Variants in APOB observed in about 807,000 individuals in gnomAD.
APOB encodes apolipoprotein B.
In APOB, 153 loss-of-function variants were observed where a neutral mutation model predicts 314.1. The observed-to-expected ratio is 0.49, with a 90% CI of 0.43 to 0.56. The LOEUF is 0.56. APOB is among the 20% of genes least tolerant of loss of function. APOB has a pLI of 0.00. For synonymous variants in APOB, 2,087 were observed against 2,036.4 expected (o/e 1.02, Z -0.67); for missense variants, 5,430 against 5,350.7 (o/e 1.01, Z -0.46).
In APOB at chr2:21,006,919, G is replaced by A. The variant is rs767500050; in HGVS notation, c.9949C>T (p.Leu3317Phe). 3.1e-6 allele frequency: 5 copies of A among 1,614,068 alleles called. No homozygotes were observed. In the South Asian group the frequency reaches 5.5e-5, roughly 18 times the overall value. Residue 3317 changes from leucine (L) to phenylalanine (F), a missense_variant, in exon 26 of 29, where the codon CTT (leucine) becomes TTT (phenylalanine). Physicochemically the swap from Leu to Phe is conservative, Grantham distance 22. Transcript: ENST00000233242. Reference protein sequence around the residue: ...LHVPRNLKLSLPDFKELCTIS... With the variant: ...LHVPRNLKLSFPDFKELCTIS... ...GTACACAATTCCTTGAAATCTGGAA[G>A]AGAAAGCTTGAGATTTCTAGGGACA... is the stretch of plus-strand genomic sequence containing the variant.
intron 3 of APOB, 65 bp from the exon 4 acceptor site, chr2:21,041,148 C>T: frequency 6.5e-7 from 1 of 1,547,228 alleles, no homozygotes; most frequent in Non-Finnish European, 8.8e-7. Context: ...CCCCTGAAGC[C>T]CAGGGCTTAA....
intron 18 of APOB, 95 bp downstream of exon 18, chr2:21,022,736 G>A: frequency 8.8e-7 from 1 of 1,135,728 alleles, no homozygotes; most frequent in Non-Finnish European, 1.3e-6. Flanking sequence ...GGACCTGAAT[G>A]ATCTCAATCA....
In APOB at chr2:21,022,938, G is replaced by C. The variant is rs1663649774; in HGVS notation, c.2709C>G (p.Thr903=). 1 of 1,614,146 alleles carries C rather than the reference G, an allele frequency of 6.2e-7. No homozygotes were observed. Among genetic ancestry groups the C allele is most frequent in the African/African-American group, 1.3e-5 (1 of 75,032 alleles). Residue 903 remains threonine (T), a synonymous_variant, in exon 18 of 29, where the codon ACC becomes ACG. Transcript: ENST00000233242. ...CCAGACCCGACTCGTGGAAGAAGTT[G>C]GTGTTCATCTGGACCCCACTCCTAG... is the stretch of plus-strand genomic sequence containing the variant. ...DFARSGVQMN[T]NFFHESGLEA... is the part of the protein sequence containing the mutation.
rs1663321073 is a variant in APOB, at chr2:21,011,551, T to C, written c.5317A>G (p.Ile1773Val). 1 of 1,614,142 alleles carries C rather than the reference T, an allele frequency of 6.2e-7. No individual in the cohort carries two copies. Among genetic ancestry groups the C allele is most frequent in the Non-Finnish European group, 8.5e-7 (1 of 1,179,984 alleles). Residue 1773 changes from isoleucine (I) to valine (V), a missense_variant, in exon 26 of 29, where the codon ATT (isoleucine) becomes GTT (valine). Ile to Val is a conservative substitution (Grantham distance 29, BLOSUM62 3). Around this residue, in one of 3 missense-constraint regions of APOB, gnomAD observed 64 missense variants for 99.9 expected, o/e 0.64. Coordinates refer to ENST00000233242, the MANE Select transcript of APOB (RefSeq NM_000384.3). ...TTATAAAACTTGTCAGAGCTGTAAATGTTGTCAAGTTTTGAAGAGAAGTCC... is the reference window on the plus strand; with the variant it reads ...TTATAAAACTTGTCAGAGCTGTAAACGTTGTCAAGTTTTGAAGAGAAGTCC... ...SLDFSSKLDN[I>V]YSSDKFYKQT...
chr2:21,040,366 C>T (rs977375479), intron 4 of APOB, among the ~76,000 whole-genome samples: 1 of 152,226 alleles, frequency 6.6e-6, no homozygotes, highest in Non-Finnish European at 1.5e-5. Context: ...TTCATACACA[C>T]CTAGGACCCT....
At chr2:21,017,741 C>T (rs1428189309) in intron 20 of APOB, among the ~76,000 whole-genome samples, 3 of 152,172 alleles carry the variant, frequency 2.0e-5, no homozygotes, top group South Asian at 2.1e-4. Flanking sequence ...GATTCCCGGG[C>T]GTCCTTCAAT....
intron 20 of APOB, among the ~76,000 whole-genome samples, chr2:21,017,480 G>T (rs993056937): frequency 6.6e-6 from 1 of 152,170 alleles, no homozygotes; most frequent in Non-Finnish European, 1.5e-5. Context: ...TGTGGGCAGA[G>T]ACCAGAATGA....
Position 21,002,395 on chromosome 2 carries a change from A to G in APOB, c.13027T>C (p.Tyr4343His). 1 of 1,601,178 alleles carries G rather than the reference A, an allele frequency of 6.2e-7. No homozygotes were observed. The highest frequency in any genetic ancestry group is 8.5e-7 in the Non-Finnish European group (1 of 1,173,418). The stretch of plus-strand genomic sequence containing the variant: ...TTTTCTTTCAACAATTTAAAAACAT[A>G]TGGGATATAATCACTGAAGATTGTG... ...INTIFSDYIP[Y>H]VFKLLKENLC... is the part of the protein sequence containing the mutation. Residue 4343 changes from tyrosine (Y) to histidine (H), a missense_variant, in exon 29 of 29, where the codon TAT (tyrosine) becomes CAT (histidine). By Grantham distance (83) the Tyr-to-His change is moderately conservative (BLOSUM62 2). Coordinates refer to ENST00000233242, the MANE Select transcript of APOB (RefSeq NM_000384.3).
chr2:21,009,339 G>GCCTT lies in APOB; in HGVS notation c.7525_7528dup (p.Ala2510GlufsTer36). ...ATCTTCTAGGGTCTCTCGGAATTTG[G>GCCTT]CCTTCATGTGAGCCAAAGATGCTGA... is the stretch of plus-strand genomic sequence containing the variant. On this transcript the variant is annotated frameshift_variant, in exon 26 of 29. Transcript: ENST00000233242. LOFTEE classifies it high-confidence loss of function. 6.2e-7 allele frequency: 1 copy of GCCTT among 1,614,040 alleles called. No homozygotes were observed. Among genetic ancestry groups the GCCTT allele is most frequent in the South Asian group, 1.1e-5 (1 of 91,080 alleles).
rs138681343 is a variant in APOB at position 21,015,093 on chromosome 2, C to T, written c.3676G>A (p.Val1226Met). ...CTTACAACTATTAATTTGGAACCCA[C>T]GTGCCGGAAAGTCATGTCTGTTTGA... ...VPQTDMTFRHVGSKLIVAMSS... is the reference protein window; with the variant it reads ...VPQTDMTFRHMGSKLIVAMSS... Residue 1226 changes from valine to methionine, a missense_variant, in exon 23 of 29, where the codon GTG becomes ATG. By Grantham distance (21) the Val-to-Met change is conservative (BLOSUM62 1). Coordinates refer to ENST00000233242, the MANE Select transcript of APOB (RefSeq NM_000384.3). The T allele has an allele frequency of 3.6e-5, 58 of 1,613,988 alleles. No homozygotes were observed. Among genetic ancestry groups the T allele is most frequent in the Middle Eastern group, 1.7e-4 (1 of 6,060 alleles).
At position 21,023,582 on chromosome 2, in the gene APOB, A is replaced by T. The variant is rs1163386084; in HGVS notation, c.2547T>A (p.Ser849=). Reference sequence around the variant, plus strand: ...CTCCGGGAGCAATGACTCCAGATGAAGATATTTGCAACTGTAATCCAGCTC... The same window carrying T: ...CTCCGGGAGCAATGACTCCAGATGATGATATTTGCAACTGTAATCCAGCTC... The part of the protein sequence containing the change: ...PTGAGLQLQI[S]SSGVIAPGAK... Residue 849 remains serine, a synonymous_variant, in exon 17 of 29, where the codon TCT becomes TCA. Transcript: ENST00000233242. 6.2e-7 allele frequency: 1 copy of T among 1,614,162 alleles called. No individual in the cohort carries two copies. Among genetic ancestry groups the T allele is most frequent in the African/African-American group, 1.3e-5 (1 of 75,056 alleles).
intron 25 of APOB, 97 bp downstream of exon 25, chr2:21,013,063 G>A: frequency 6.8e-7 from 1 of 1,471,990 alleles, no homozygotes; most frequent in Middle Eastern, 2.4e-4. Flanking sequence ...AAGATTATCT[G>A]CTAGAAAGCC....
chr2:21,038,261 C>CACAT, intron 4 of APOB, 150 bp from the exon 5 acceptor site: 1 of 836,790 alleles, frequency 1.2e-6, no homozygotes, highest in African/African-American at 1.7e-5. Flanking sequence ...AATATAGCTA[C>CACAT]ACATAGACAT....
chr2:21,004,529 TATAAGGTTTCAATTCA>T lies in APOB; in HGVS notation c.11903+16_11903+31del. On this transcript the variant is annotated intron_variant, in intron 27 of 28. Coordinates refer to ENST00000233242, the MANE Select transcript of APOB (RefSeq NM_000384.3). ...AAAATCACAATGAGTTTTCAAAAGG[TATAAGGTTTCAATTCA>T]ATAAAAGCTCCATACTGAAGTCCTT... 2 of 1,612,036 alleles carry T rather than the reference TATAAGGTTTCAATTCA, an allele frequency of 1.2e-6. No homozygotes were observed. The highest frequency in any genetic ancestry group is 1.7e-6 in the Non-Finnish European group (2 of 1,178,232).
Position 21,007,209 on chromosome 2 carries a change from G to C in APOB, c.9659C>G (p.Thr3220Ser). 6.2e-7 allele frequency: 1 copy of C among 1,613,760 alleles called. No homozygotes were observed. The highest frequency in any genetic ancestry group is 8.5e-7 in the Non-Finnish European group (1 of 1,179,898). The stretch of plus-strand genomic sequence containing the variant: ...AATTTTTGTTTCATTATAGGATTTG[G>C]TGACAAAATCTAATGCATTGTTTCT... ...KNRNNALDFVTKSYNETKIKF... is the reference protein window; with the variant it reads ...KNRNNALDFVSKSYNETKIKF... The change falls in exon 26 of 29, where the codon ACC (threonine) becomes AGC (serine). Residue 3220 changes from threonine to serine, a missense_variant. Around this residue, in one of 3 missense-constraint regions of APOB, gnomAD observed 3,281 missense variants for 3,171.0 expected, o/e 1.03. Coordinates refer to ENST00000233242, the MANE Select transcript of APOB (RefSeq NM_000384.3).
rs747082192 is a variant in APOB at position 21,013,353 on chromosome 2, G to A, written c.4023C>T (p.Thr1341=). 2.5e-6 allele frequency: 4 copies of A among 1,614,038 alleles called. No homozygotes were observed. Among genetic ancestry groups the A allele is most frequent in the Admixed American group, 1.7e-5 (1 of 59,998 alleles). The stretch of plus-strand genomic sequence containing the variant: ...CTTGCAGTTGATACAACTTGGGAAT[G>A]GTAAAAGTAGGGACTTGGAACTCTC... ...PSREFQVPTF[T]IPKLYQLQVP... is the part of the protein sequence containing the mutation. Residue 1341 remains threonine, a synonymous_variant, in exon 25 of 29, where the codon ACC becomes ACT. Coordinates refer to ENST00000233242, the MANE Select transcript of APOB (RefSeq NM_000384.3).
rs767525908 is a variant in APOB at position 21,023,031 on chromosome 2, T to C, written c.2616A>G (p.Glu872=). 3.1e-6 allele frequency: 5 copies of C among 1,614,022 alleles called. No homozygotes were observed. The highest frequency in any genetic ancestry group is 1.3e-5 in the African/African-American group (1 of 74,908). Residue 872 remains glutamate, a synonymous_variant, in exon 18 of 29, where the codon GAA becomes GAG. Coordinates refer to ENST00000233242, the MANE Select transcript of APOB (RefSeq NM_000384.3). Reference sequence around the variant, plus strand: ...CAGACACGGAGGGTTTTGCCACCAGTTCAGCCTGCATCTATAAGTCAGAAA... The same window carrying C: ...CAGACACGGAGGGTTTTGCCACCAGCTCAGCCTGCATCTATAAGTCAGAAA... The part of the protein sequence containing the change: ...VKLEVANMQA[E]LVAKPSVSVE...
intron 2 of APOB, 94 bp from the exon 3 acceptor site, chr2:21,042,570 T>TA: frequency 1.2e-6 from 1 of 861,230 alleles, no homozygotes; most frequent in Non-Finnish European, 2.0e-6. Context: ...CATAGAGAAT[T>TA]AAAAATGGTA....
rs1663136845 is a variant in APOB, at chr2:21,006,331, T to C, written c.10537A>G (p.Ile3513Val). 6.2e-7 allele frequency: 1 copy of C among 1,613,960 alleles called. No homozygotes were observed. The highest frequency in any genetic ancestry group is 1.3e-5 in the African/African-American group (1 of 74,908). Reference sequence around the variant, plus strand: ...AAGTAAGTGTTGGCCTCACTAGCAATAGTTCCTGAATATTCCCGAGAAAGA... The same window carrying C: ...AAGTAAGTGTTGGCCTCACTAGCAACAGTTCCTGAATATTCCCGAGAAAGA... The part of the protein sequence containing the change: ...SVLSREYSGT[I>V]ASEANTYLNS... The change falls in exon 26 of 29, where the codon ATT (isoleucine) becomes GTT (valine). Residue 3513 changes from isoleucine (I) to valine (V), a missense_variant. By Grantham distance (29) the Ile-to-Val change is conservative (BLOSUM62 3). This residue lies in a region of APOB where 3,281 missense variants were observed against 3,171.0 expected (regional missense o/e 1.03). Coordinates refer to ENST00000233242, the MANE Select transcript of APOB (RefSeq NM_000384.3).
Sources: allele counts gnomAD v4.1 joint callset (sites outside exome capture counted in the v4.1 genomes callset), GRCh38; gene constraint gnomAD v4.1.1; regional missense constraint gnomAD v4.1.1; transcripts MANE v1.5; gene names NCBI Gene and HGNC (gene_info 2026-07-23, HGNC 2026-07-21).